ENPEP: variants seen among roughly 807,000 people sequenced by gnomAD.
ENPEP encodes AP-A.
Under a neutral mutation model 114.5 loss-of-function variants are expected in ENPEP, and 103 were observed. The observed-to-expected ratio is 0.90, with a 90% CI of 0.77 to 1.06. The LOEUF (loss-of-function observed/expected upper bound fraction) is 1.06, where lower values mean the gene tolerates loss of function less well. ENPEP is among the 50% of genes least tolerant of loss of function. The pLI, the probability that ENPEP is intolerant of heterozygous loss-of-function variation, is 0.00. For missense variants in ENPEP, 1,196 were observed against 1,161.3 expected (o/e 1.03, Z -0.43); for synonymous variants, 420 against 422.0 (o/e 1.00, Z 0.06).
Position 110,561,589 on chromosome 4 carries a change from A to T in ENPEP, c.*31A>T. 3.1e-6 allele frequency: 5 copies of T among 1,596,314 alleles called. No individual in the cohort carries two copies. The highest frequency in any genetic ancestry group is 4.3e-6 in the Non-Finnish European group (5 of 1,172,006). On this transcript the variant is annotated 3_prime_UTR_variant, in exon 20 of 20. Transcript: ENST00000265162. ...TCAAATGTTAGAGTTTAATTTTGTG[A>T]ATCTATTGTTTCTCCTCTGAAGCAT...
intron 2 of ENPEP, 79 bp from the exon 3 acceptor site, chr4:110,490,954 G>A (rs1724684093): frequency 6.9e-7 from 1 of 1,458,480 alleles, no homozygotes; most frequent in African/African-American, 1.4e-5. Context: ...CAAGGTTTGG[G>A]GCAACCGTTT....
chr4:110,505,560 A>G (rs1268729841), intron 3 of ENPEP, among the ~76,000 whole-genome samples: 1 of 152,218 alleles, frequency 6.6e-6, no homozygotes, highest in African/African-American at 2.4e-5. Context: ...GCCTAAGTGA[A>G]TACCAAAACT....
intron 1 of ENPEP, among the ~76,000 whole-genome samples, chr4:110,480,620 T>C (rs150395939): frequency 6.6e-6 from 1 of 152,302 alleles, no homozygotes; most frequent in East Asian, 1.9e-4. Flanking sequence ...CTAAACAGGA[T>C]TGCACTCAGT....
chr4:110,530,252 A>G (rs936408860), intron 10 of ENPEP, among the ~76,000 whole-genome samples: 8 of 152,202 alleles, frequency 5.3e-5, no homozygotes, highest in Non-Finnish European at 8.8e-5. Flanking sequence ...TCAATCCTGT[A>G]AAACACTTCA....
intron 6 of ENPEP, among the ~76,000 whole-genome samples, chr4:110,511,716 G>A (rs953421844): frequency 1.3e-4 from 20 of 151,130 alleles, no homozygotes; most frequent in African/African-American, 4.6e-4. Context: ...TAATCACATC[G>A]TTCAACACAA....
intron 18 of ENPEP, 128 bp from the exon 19 acceptor site, chr4:110,559,519 T>C (rs181193124): frequency 1.5e-5 from 10 of 658,816 alleles, no homozygotes; most frequent in Non-Finnish European, 2.4e-5. Context: ...TGGGTTTTCT[T>C]ACTGTGTTTT....
chr4:110,491,092 G>T lies in ENPEP; in HGVS notation c.846G>T (p.Met282Ile), dbSNP rs780020784. ...TRTTFEKSVP[M>I]STYLVCFAVH... is the part of the protein sequence containing the mutation. ...CAACTTTTGAGAAGTCTGTCCCCATGAGCACGTACCTGGTGTGCTTTGCTG... is the reference window on the plus strand; with the variant it reads ...CAACTTTTGAGAAGTCTGTCCCCATTAGCACGTACCTGGTGTGCTTTGCTG... Residue 282 changes from methionine to isoleucine, a missense_variant, in exon 3 of 20, where the codon ATG (methionine) becomes ATT (isoleucine). Transcript: ENST00000265162. The T allele has an allele frequency of 6.2e-7, 1 of 1,612,728 alleles. No homozygotes were observed. Among genetic ancestry groups the T allele is most frequent in the Admixed American group, 1.7e-5 (1 of 59,988 alleles).
intron 17 of ENPEP, among the ~76,000 whole-genome samples, chr4:110,551,555 CAT>C (rs1361578278): frequency 6.6e-6 from 1 of 152,100 alleles, no homozygotes; most frequent in African/African-American, 2.4e-5. Context: ...TTATTTGAAA[CAT>C]GTGATTGATA....
At position 110,549,794 on chromosome 4, in the gene ENPEP, T is replaced by G. The variant is rs1727219748; in HGVS notation, c.2409T>G (p.Thr803=). 1.9e-6 allele frequency: 3 copies of G among 1,613,430 alleles called. No individual in the cohort carries two copies. Among genetic ancestry groups the G allele is most frequent in the Non-Finnish European group, 2.5e-6 (3 of 1,179,586 alleles). The part of the protein sequence containing the change: ...NSGNEISWNY[T]LEQYQKTSLA... The stretch of plus-strand genomic sequence containing the variant: ...GCAATGAGATTTCATGGAACTACAC[T>G]CTTGAGCAATACCAGAAAACTTCAT... The change falls in exon 17 of 20, where the codon ACT becomes ACG. Residue 803 remains threonine, a synonymous_variant. Transcript: ENST00000265162.
chr4:110,543,919 C>T (rs1726949117), intron 13 of ENPEP, among the ~76,000 whole-genome samples: 1 of 151,870 alleles, frequency 6.6e-6, no homozygotes, highest in African/African-American at 2.4e-5. Context: ...TGCATTTCAC[C>T]CATCAAACTG....
chr4:110,498,752 T>C (rs919581037), intron 3 of ENPEP, among the ~76,000 whole-genome samples: 1 of 152,180 alleles, frequency 6.6e-6, no homozygotes, highest in Non-Finnish European at 1.5e-5. Flanking sequence ...TTCTTTTCTG[T>C]TCCATGGTCT....
At chr4:110,558,955 T>G (rs889200605) in intron 18 of ENPEP, among the ~76,000 whole-genome samples, 15 of 152,198 alleles carry the variant, frequency 9.9e-5, no homozygotes, top group African/African-American at 3.6e-4. Context: ...AGCCTATATT[T>G]AAATTTCTGT....
chr4:110,480,325 T>C (rs1242411520), intron 1 of ENPEP, among the ~76,000 whole-genome samples: 1 of 152,206 alleles, frequency 6.6e-6, no homozygotes, highest in Non-Finnish European at 1.5e-5. Context: ...CATCATGCTT[T>C]TTTTTCTAGC....
In ENPEP at chr4:110,561,727, A is replaced by G; in HGVS notation, c.*169A>G. On this transcript the variant is annotated 3_prime_UTR_variant, in exon 20 of 20. Transcript: ENST00000265162. ...GCCTTTAAATTGTTCCTCTTTGTTT[A>G]TGAAGAAAGATACTAATAGAGTACT... 1 of 611,392 alleles carries G rather than the reference A, an allele frequency of 1.6e-6. No individual in the cohort carries two copies. Among genetic ancestry groups the G allele is most frequent in the Non-Finnish European group, 2.8e-6 (1 of 362,920 alleles). The allele number at this position is 611,392 out of a possible 1,614,324, so 37.9% of individuals were successfully genotyped here. A position where few individuals can be genotyped will look rare whatever the true frequency, so the allele number is the denominator to read the frequency against.
chr4:110,516,733 A>G lies in ENPEP; in HGVS notation c.1509+1291A>G, dbSNP rs894815884. Among the ~76,000 whole-genome samples the G allele has an allele frequency of 2.6e-5, 4 of 152,216 alleles. No individual in the cohort carries two copies. The East Asian group carries it at 5.8e-4, about 22-fold the overall frequency. On this transcript the variant is annotated intron_variant, in intron 8 of 19. Transcript: ENST00000265162. ...TAGTGAAACATCTAGGTGATTATTA[A>G]AGTAAGAAATAAAGTCAAGATTTCG...
chr4:110,532,504 G>T (rs1375299), intron 11 of ENPEP, among the ~76,000 whole-genome samples: 16,026 of 152,010 alleles, frequency 0.11, 990 homozygotes, highest in Middle Eastern at 0.28. Flanking sequence ...CCATTTATCA[G>T]TTGATAGATA....
chr4:110,525,424 T>A (rs1726158754), intron 10 of ENPEP, among the ~76,000 whole-genome samples: 2 of 152,108 alleles, frequency 1.3e-5, no homozygotes, highest in Non-Finnish European at 2.9e-5. Flanking sequence ...CATGCCCAGT[T>A]TTTATTGCCC....
intron 11 of ENPEP, among the ~76,000 whole-genome samples, chr4:110,536,670 G>A (rs1258320440): frequency 1.3e-5 from 2 of 152,098 alleles, no homozygotes; most frequent in African/African-American, 4.8e-5. Context: ...AGCTCAATTT[G>A]GCACCTACTT....
In ENPEP at chr4:110,488,619, A is replaced by G. The variant is rs1196847502; in HGVS notation, c.723A>G (p.Ala241=). Residue 241 remains alanine, a synonymous_variant, in exon 2 of 20, where the codon GCA becomes GCG. Transcript: ENST00000265162. Reference sequence around the variant, plus strand: ...GTTTTGATGAGCCCAACAAAAAGGCAACTTATACAATATCTATCACCCATC... The same window carrying G: ...GTTTTGATGAGCCCAACAAAAAGGCGACTTATACAATATCTATCACCCATC... ...FPCFDEPNKK[A]TYTISITHPK... 2 of 1,613,944 alleles carry G rather than the reference A, an allele frequency of 1.2e-6. No individual in the cohort carries two copies. Among genetic ancestry groups the G allele is most frequent in the Non-Finnish European group, 1.7e-6 (2 of 1,179,976 alleles).
Sources: allele counts gnomAD v4.1 joint callset (sites outside exome capture counted in the v4.1 genomes callset), GRCh38; gene constraint gnomAD v4.1.1; transcripts MANE v1.5; gene names NCBI Gene and HGNC (gene_info 2026-07-23, HGNC 2026-07-21).